RSU1: variants seen among roughly 807,000 people sequenced by gnomAD.
RSU1 encodes the protein Ras suppressor protein 1.
RSU1 carries 26 observed loss-of-function variants against 31.1 expected under a neutral mutation model. That is an observed-to-expected ratio of 0.84 (90% CI 0.61 to 1.16). RSU1 has a LOEUF of 1.16. RSU1 is among the 50% of genes most tolerant of loss of function. RSU1 has a pLI of 0.00. For synonymous variants in RSU1, 164 were observed against 136.3 expected, an observed-to-expected ratio of 1.20 and a Z score of -1.41; for missense variants, 320 against 339.1, an observed-to-expected ratio of 0.94 and a Z score of 0.44.
chr10:16,669,843 G>C lies in RSU1; in HGVS notation c.731+25180C>G, dbSNP rs553965298. On this transcript the variant is annotated intron_variant, in intron 8 of 8. Transcript: ENST00000345264. ...CCAGTCTATCACTGATGGGCATTGG[G>C]GTTGATTCCATGTCTTTGCTATTGT... Among the ~76,000 whole-genome samples the C allele has an allele frequency of 2.6e-5, 4 of 152,190 alleles. No individual in the cohort carries two copies. The South Asian group carries it at 6.2e-4, about 24-fold the overall frequency.
At chr10:16,641,441 G>T (rs958928527) in intron 8 of RSU1, among the ~76,000 whole-genome samples, 1 of 150,460 alleles carries the variant, frequency 6.6e-6, no homozygotes, top group East Asian at 1.9e-4. Flanking sequence ...GCAGTAAGCC[G>T]AGACTGTGCC....
At chr10:16,810,694 T>G (rs1838389948) in intron 2 of RSU1, among the ~76,000 whole-genome samples, 1 of 152,166 alleles carries the variant, frequency 6.6e-6, no homozygotes, top group African/African-American at 2.4e-5. Flanking sequence ...GATATTGTTT[T>G]GCACTTGTTA....
intron 7 of RSU1, among the ~76,000 whole-genome samples, chr10:16,705,655 AT>A (rs1318731979): frequency 9.2e-5 from 14 of 152,024 alleles, no homozygotes; most frequent in Non-Finnish European, 1.8e-4. Context: ...CACTCAGCTA[AT>A]TTTTGTATTT....
chr10:16,742,876 C>T (rs1393051847), intron 7 of RSU1, among the ~76,000 whole-genome samples: 5 of 152,178 alleles, frequency 3.3e-5, no homozygotes, highest in East Asian at 1.9e-4. Flanking sequence ...GGCAGAAATA[C>T]AATTCACTTA....
At chr10:16,661,578 T>C (rs1834892092) in intron 8 of RSU1, among the ~76,000 whole-genome samples, 1 of 152,200 alleles carries the variant, frequency 6.6e-6, no homozygotes, top group Non-Finnish European at 1.5e-5. Flanking sequence ...AGAAGATGAC[T>C]ATGATGACTA....
intron 2 of RSU1, among the ~76,000 whole-genome samples, chr10:16,788,626 T>G (rs1011625727): frequency 1.3e-5 from 2 of 152,172 alleles, no homozygotes; most frequent in Admixed American, 6.5e-5. Flanking sequence ...ACCCAGTCTA[T>G]AGTATTTTTG....
chr10:16,601,784 C>CT (rs1446874080), intron 8 of RSU1, among the ~76,000 whole-genome samples: 1 of 152,192 alleles, frequency 6.6e-6, no homozygotes, highest in Non-Finnish European at 1.5e-5. Context: ...TAAGGCTGGG[C>CT]TTGAGGCAGG....
chr10:16,807,079 C>T (rs866394744), intron 2 of RSU1, among the ~76,000 whole-genome samples: 6 of 152,200 alleles, frequency 3.9e-5, no homozygotes, highest in Admixed American at 2.0e-4. Context: ...TGAGCCACTG[C>T]GCCCAGCCTC....
At chr10:16,717,561 T>C (rs1012783111) in intron 7 of RSU1, among the ~76,000 whole-genome samples, 1 of 152,216 alleles carries the variant, frequency 6.6e-6, no homozygotes, top group African/African-American at 2.4e-5. Flanking sequence ...TAACCATGTA[T>C]GTAAACACAC....
intron 8 of RSU1, among the ~76,000 whole-genome samples, chr10:16,660,670 A>T: frequency 4.2e-5 from 1 of 23,732 alleles, no homozygotes; most frequent in African/African-American, 2.8e-4. Context: ...TTTTTGAGGA[A>T]GGCTCTCGTT....
chr10:16,650,352 T>C (rs1321362432), intron 8 of RSU1, among the ~76,000 whole-genome samples: 1 of 152,148 alleles, frequency 6.6e-6, no homozygotes, highest in Admixed American at 6.5e-5. Flanking sequence ...TCCAACAACA[T>C]TTTTCTTCCT....
intron 3 of RSU1, among the ~76,000 whole-genome samples, chr10:16,766,401 C>T (rs1277971334): frequency 6.6e-6 from 1 of 152,148 alleles, no homozygotes; most frequent in Non-Finnish European, 1.5e-5. Context: ...ATGGTATTCA[C>T]TGTGTGTAAG....
At chr10:16,677,960 TAGTTGACAGCTTAAAAAAATTA>T (rs78398787) in intron 8 of RSU1, among the ~76,000 whole-genome samples, 3,705 of 152,194 alleles carry the variant, frequency 0.024, 82 homozygotes, top group Non-Finnish European at 0.037. Context: ...CACGTCATCT[TAGTTGACAGCTTAAAAAAATTA>T]AGGAGAAAAG....
chr10:16,683,162 T>TGTGTGTGTGTGTGTGTGTGTGC (rs1835368073), intron 8 of RSU1, among the ~76,000 whole-genome samples: 1 of 148,002 alleles, frequency 6.8e-6, no homozygotes, highest in Admixed American at 6.7e-5. Flanking sequence ...GGGTGTGTGG[T>TGTGTGTGTGTGTGTGTGTGTGC]GTGTGTGTGT....
At chr10:16,690,919 T>C (rs1284767575) in intron 8 of RSU1, among the ~76,000 whole-genome samples, 3 of 152,042 alleles carry the variant, frequency 2.0e-5, no homozygotes, top group Non-Finnish European at 4.4e-5. Flanking sequence ...GATAGACAAA[T>C]ACACATCCGC....
intron 7 of RSU1, among the ~76,000 whole-genome samples, chr10:16,729,331 C>T (rs547410112): frequency 1.3e-5 from 2 of 152,128 alleles, no homozygotes; most frequent in African/African-American, 2.4e-5. Context: ...GAGCACTCTT[C>T]GATTATAATT....
At position 16,747,131 on chromosome 10, in the gene RSU1, C is replaced by T. The variant is rs78554068; in HGVS notation, c.598+5408G>A. ...GGTGGCCACAGTCCCTGAATGGCCA[C>T]GGATGTCTGCCTGGGAGTCAGCCCG... On this transcript the variant is annotated intron_variant, in intron 7 of 8. Coordinates refer to ENST00000345264, the MANE Select transcript of RSU1 (RefSeq NM_012425.4). Among the ~76,000 whole-genome samples, 475 of 152,256 alleles carry T rather than the reference C, an allele frequency of 3.1e-3. 8 individuals are homozygous for T. The East Asian group carries it at 0.063, about 20-fold the overall frequency.
intron 8 of RSU1, among the ~76,000 whole-genome samples, chr10:16,647,422 C>T (rs1024418092): frequency 1.2e-4 from 18 of 152,186 alleles, no homozygotes; most frequent in East Asian, 3.9e-4. Flanking sequence ...CAAATGAAAA[C>T]GTATGTCCAT....
At chr10:16,769,817 T>C (rs1405174753) in intron 3 of RSU1, among the ~76,000 whole-genome samples, 1 of 152,242 alleles carries the variant, frequency 6.6e-6, no homozygotes, top group African/African-American at 2.4e-5. Context: ...CCTGGGGAAC[T>C]GATGACACGT....
Sources: gnomAD v4.1 joint callset for allele counts (sites outside exome capture counted in the v4.1 genomes callset) on GRCh38, gnomAD v4.1.1 for gene constraint, MANE v1.5 for transcripts, NCBI Gene and HGNC (gene_info 2026-07-23, HGNC 2026-07-21) for gene names.